The following CNBD1 variants were observed in gnomAD, a reference collection of about 807,000 sequenced individuals.
CNBD1 encodes cyclic nucleotide-binding domain-containing protein 1.
Under a neutral mutation model 54.4 loss-of-function variants are expected in CNBD1, and 71 were observed. The observed-to-expected ratio is 1.30, with a 90% CI of 1.08 to 1.59. The LOEUF (loss-of-function observed/expected upper bound fraction) is 1.59, where lower values mean the gene tolerates loss of function less well. Among genes scored for constraint, CNBD1 ranks in the 40% most tolerant of loss-of-function variants. CNBD1 has a pLI of 0.00. For missense variants in CNBD1, 659 were observed against 518.0 expected, an observed-to-expected ratio of 1.27 and a Z score of -2.64; for synonymous variants, 182 against 170.7, an observed-to-expected ratio of 1.07 and a Z score of -0.51.
At chr8:87,301,532 A>G (rs1808992569) in intron 8 of CNBD1, among the ~76,000 whole-genome samples, 1 of 152,158 alleles carries the variant, frequency 6.6e-6, no homozygotes, top group Non-Finnish European at 1.5e-5. Flanking sequence ...AGATGCAGGG[A>G]TAGTTTAGCA....
At position 86,878,036 on chromosome 8, in the gene CNBD1, A is replaced by G. The variant is rs139477664; in HGVS notation, c.89-9506A>G. Among the ~76,000 whole-genome samples, 1,306 of 147,420 alleles carry G rather than the reference A, an allele frequency of 8.9e-3. 8 individuals carry two copies. Among genetic ancestry groups the G allele is most frequent in the African/African-American group, 0.022 (861 of 39,808 alleles). ...GCTTGTAATTTCTTTCTGTTTTCCT[A>G]TTTATGGTTAATGCCATGTAATTTT... On this transcript the variant is annotated intron_variant, in intron 1 of 10. Coordinates refer to ENST00000518476, the MANE Select transcript of CNBD1 (RefSeq NM_173538.3).
At chr8:87,312,113 G>A (rs968674857) in intron 8 of CNBD1, among the ~76,000 whole-genome samples, 5 of 151,984 alleles carry the variant, frequency 3.3e-5, no homozygotes, top group African/African-American at 1.2e-4. Flanking sequence ...TTGAAATTAT[G>A]AAAAAGAAAA....
chr8:87,334,069 G>A (rs1482065740), intron 8 of CNBD1, among the ~76,000 whole-genome samples: 1 of 152,028 alleles, frequency 6.6e-6, no homozygotes, highest in Non-Finnish European at 1.5e-5. Context: ...ACTTGTTATT[G>A]GTGTATTCAG....
chr8:87,265,708 A>C (rs1586376066), intron 6 of CNBD1, among the ~76,000 whole-genome samples: 1 of 152,288 alleles, frequency 6.6e-6, no homozygotes, highest in South Asian at 2.1e-4. Flanking sequence ...ACATCCATTC[A>C]CTATATATCA....
At chr8:87,041,197 A>G (rs1047094596) in intron 4 of CNBD1, among the ~76,000 whole-genome samples, 2 of 152,200 alleles carry the variant, frequency 1.3e-5, no homozygotes, top group African/African-American at 4.8e-5. Context: ...AGATAAAGAA[A>G]GATAAACGGT....
rs530518458 is a variant in CNBD1, at chr8:87,424,720, G to C, written c.214-3826G>C. Among the ~76,000 whole-genome samples, 3 of 152,246 alleles carry C rather than the reference G, an allele frequency of 2.0e-5. No individual in the cohort carries two copies. The East Asian group carries it at 5.8e-4, about 29-fold the overall frequency. On this transcript the variant is annotated intron_variant, in intron 2 of 7. Coordinates refer to the CNBD1 transcript ENST00000521593. ...TAGTCTGATGGGCTTCCCTTTGAGG[G>C]GAACCTGACCTTTCTCTCTGGCTGC...
At chr8:87,352,711 C>G (rs1455676660) in intron 9 of CNBD1, among the ~76,000 whole-genome samples, 1 of 152,030 alleles carries the variant, frequency 6.6e-6, no homozygotes, top group Non-Finnish European at 1.5e-5. Flanking sequence ...TTATGAAGTT[C>G]TAGAACAGGC....
At chr8:87,378,678 C>G (rs1348711284) in intron 10 of CNBD1, among the ~76,000 whole-genome samples, 3 of 150,534 alleles carry the variant, frequency 2.0e-5, no homozygotes, top group Non-Finnish European at 4.4e-5. Flanking sequence ...TAGTTTTTTC[C>G]AATTCTGCGA....
Position 87,206,139 on chromosome 8 carries a change from G to A in CNBD1, c.577+1G>A. The A allele has an allele frequency of 6.4e-7, 1 of 1,573,246 alleles. No individual in the cohort carries two copies. On this transcript the variant is annotated splice_donor_variant, in intron 5 of 10. Coordinates refer to ENST00000518476, the MANE Select transcript of CNBD1 (RefSeq NM_173538.3). LOFTEE classifies it high-confidence loss of function. ...GAAACCTGGTTGAAAGGCAGCACAG[G>A]TAATAGACTAATGTGGGATAAATTT...
Position 86,936,996 on chromosome 8 carries a change from C to G in CNBD1, c.273-2600C>G, listed in dbSNP as rs572345290. Among the ~76,000 whole-genome samples the G allele has an allele frequency of 9.2e-5, 14 of 152,230 alleles. No individual in the cohort carries two copies. In the South Asian group the frequency reaches 2.9e-3, roughly 32 times the overall value. Reference sequence around the variant, plus strand: ...TAAACTGAGGATAATATTGCCTACTCACATGGTGTATTGTGTATTCATCTG... The same window carrying G: ...TAAACTGAGGATAATATTGCCTACTGACATGGTGTATTGTGTATTCATCTG... On this transcript the variant is annotated intron_variant, in intron 3 of 10. Transcript: ENST00000518476.
intron 3 of CNBD1, among the ~76,000 whole-genome samples, chr8:86,906,229 C>T (rs1809014351): frequency 6.6e-6 from 1 of 152,048 alleles, no homozygotes. Context: ...AATATGTCTC[C>T]AGGGGTTGGA....
intron 10 of CNBD1, among the ~76,000 whole-genome samples, chr8:87,376,824 G>A (rs1423866772): frequency 6.6e-6 from 1 of 151,604 alleles, no homozygotes; most frequent in African/African-American, 2.4e-5. Flanking sequence ...GCCAGAATTC[G>A]GACCCAATTC....
intron 6 of CNBD1, among the ~76,000 whole-genome samples, chr8:87,271,138 T>C (rs1012266656): frequency 5.9e-5 from 9 of 151,874 alleles, no homozygotes; most frequent in Admixed American, 1.3e-4. Context: ...TCATTTCTTA[T>C]TTAATTTTGG....
At chr8:87,066,766 G>T (rs1263374448) in intron 4 of CNBD1, among the ~76,000 whole-genome samples, 1 of 151,642 alleles carries the variant, frequency 6.6e-6, no homozygotes, top group African/African-American at 2.4e-5. Context: ...TTAATATTTT[G>T]AAAACTAATA....
chr8:87,175,733 G>A (rs1813183318), intron 4 of CNBD1, among the ~76,000 whole-genome samples: 1 of 152,198 alleles, frequency 6.6e-6, no homozygotes, highest in African/African-American at 2.4e-5. Context: ...GCTGCCTTCT[G>A]GGTGTCTCAG....
intron 6 of CNBD1, among the ~76,000 whole-genome samples, chr8:87,248,814 G>A (rs976136983): frequency 6.6e-6 from 1 of 152,090 alleles, no homozygotes; most frequent in Admixed American, 6.6e-5. Flanking sequence ...TTTGGCTATG[G>A]TTAGCTTGTG....
At chr8:87,082,093 A>T (rs1811006787) in intron 4 of CNBD1, among the ~76,000 whole-genome samples, 1 of 152,194 alleles carries the variant, frequency 6.6e-6, no homozygotes, top group African/African-American at 2.4e-5. Flanking sequence ...ACTTGCACGT[A>T]TACATCCAGA....
intron 4 of CNBD1, among the ~76,000 whole-genome samples, chr8:87,068,540 G>A (rs1027352906): frequency 3.3e-5 from 5 of 152,080 alleles, no homozygotes; most frequent in African/African-American, 1.2e-4. Flanking sequence ...CAAGGTTTGA[G>A]CCTGGACGTG....
At chr8:87,032,678 C>T (rs1524835) in intron 4 of CNBD1, among the ~76,000 whole-genome samples, 102,166 of 152,056 alleles carry the variant, frequency 0.67, 34,779 homozygotes, top group African/African-American at 0.75. Flanking sequence ...CTTTTTTCTC[C>T]AAAAATGTTT....
Sources: allele counts gnomAD v4.1 joint callset (sites outside exome capture counted in the v4.1 genomes callset), GRCh38; gene constraint gnomAD v4.1.1; transcripts MANE v1.5; gene names NCBI Gene and HGNC (gene_info 2026-07-23, HGNC 2026-07-21).